Variants in KIF23 observed in about 807,000 individuals in gnomAD.
The protein encoded by KIF23 is kinesin family member 23.
A neutral mutation model predicts 137.5 loss-of-function variants in KIF23; 30 were observed. The observed-to-expected ratio is 0.22, with a 90% CI of 0.16 to 0.30. KIF23 has a LOEUF of 0.30. Ranked by LOEUF, KIF23 falls within the 10% of genes least tolerant of loss-of-function variation. The pLI is 1.00. For synonymous variants in KIF23, 367 were observed against 391.1 expected, an observed-to-expected ratio of 0.94 and a Z score of 0.73; for missense variants, 920 against 1,194.3, an observed-to-expected ratio of 0.77 and a Z score of 3.38.
intron 11 of KIF23, among the ~76,000 whole-genome samples, chr15:69,431,152 T>A (rs985002039): frequency 6.6e-6 from 1 of 152,038 alleles, no homozygotes; most frequent in Admixed American, 6.6e-5. Context: ...TAAGGAGGTG[T>A]TTGATTGAGG....
In KIF23 at chr15:69,446,272, C is replaced by T; in HGVS notation, c.2757-11C>T. 1 of 1,612,454 alleles carries T rather than the reference C, an allele frequency of 6.2e-7. No homozygotes were observed. The highest frequency in any genetic ancestry group is 8.5e-7 in the Non-Finnish European group (1 of 1,178,556). ...AAAAATAATTGTTGCATCATGTTTCCCCTTTTTCAGTAGTCGAAAACGAAG... is the reference window on the plus strand; with the variant it reads ...AAAAATAATTGTTGCATCATGTTTCTCCTTTTTCAGTAGTCGAAAACGAAG... On this transcript the variant is annotated splice_polypyrimidine_tract_variant and intron_variant, in intron 21 of 23. Transcript: ENST00000679126.
chr15:69,414,820 C>G, intron 1 of KIF23: 2 of 284,026 alleles, frequency 7.0e-6, no homozygotes, highest in Admixed American at 1.1e-4. Context: ...TCCCTTCTCC[C>G]TCGCTGGCTG....
At chr15:69,417,604 C>A in intron 3 of KIF23, 93 bp downstream of exon 3, 2 of 1,351,352 alleles carry the variant, frequency 1.5e-6, no homozygotes, top group Non-Finnish European at 2.0e-6. Context: ...CATTTGTGAG[C>A]CCACATTTTC....
At position 69,426,462 on chromosome 15, in the gene KIF23, AG is replaced by A. The variant is rs1211495799; in HGVS notation, c.1011+6del. 6.2e-7 allele frequency: 1 copy of A among 1,613,246 alleles called. No individual in the cohort carries two copies. Among genetic ancestry groups the A allele is most frequent in the Non-Finnish European group, 8.5e-7 (1 of 1,179,768 alleles). On this transcript the variant is annotated splice_donor_region_variant and intron_variant, in intron 10 of 23. Transcript: ENST00000679126. Reference sequence around the variant, plus strand: ...GATGGAGACAATGTCTTACAGGTAAAGTTGTAGTATGTGGAGTTTTTCTGGT... The same window carrying A: ...GATGGAGACAATGTCTTACAGGTAAATTGTAGTATGTGGAGTTTTTCTGGT...
intron 1 of KIF23, among the ~76,000 whole-genome samples, chr15:69,415,268 C>T: frequency 6.6e-6 from 1 of 152,178 alleles, no homozygotes; most frequent in Admixed American, 6.5e-5. Context: ...CTTAAGCCCA[C>T]CACAAAGTAT....
At chr15:69,438,550 C>T in intron 16 of KIF23, 145 bp downstream of exon 16, 1 of 646,244 alleles carries the variant, frequency 1.5e-6, no homozygotes, top group Non-Finnish European at 2.4e-6. Flanking sequence ...GTAATTCCAA[C>T]ACTTTGGGAG....
At chr15:69,414,685 G>A in intron 1 of KIF23, 2 of 454,726 alleles carry the variant, frequency 4.4e-6, no homozygotes, top group Non-Finnish European at 7.3e-6. Context: ...CTGCCGCGTC[G>A]CCCCCCGCCG....
intron 8 of KIF23, 56 bp from the exon 9 acceptor site, chr15:69,426,014 T>C: frequency 1.0e-6 from 1 of 1,000,220 alleles, no homozygotes; most frequent in East Asian, 2.9e-5. Context: ...TAGTCTTAAA[T>C]GAAGATACCA....
Position 69,444,883 on chromosome 15 carries a change from G to A in KIF23, c.2515G>A (p.Ala839Thr), listed in dbSNP as rs1371825747. 4 of 1,614,092 alleles carry A rather than the reference G, an allele frequency of 2.5e-6. No homozygotes were observed. Among genetic ancestry groups the A allele is most frequent in the Non-Finnish European group, 3.4e-6 (4 of 1,180,024 alleles). The stretch of plus-strand genomic sequence containing the variant: ...AGACAGATGGGTAGATCATAAGCCC[G>A]CCTCTAACATGCAAACTGAAACAGT... ...AGDRWVDHKP[A>T]SNMQTETVMQ... Residue 839 changes from alanine (A) to threonine (T), a missense_variant, in exon 20 of 24, where the codon GCC (alanine) becomes ACC (threonine). By Grantham distance (58) the Ala-to-Thr change is moderately conservative. Coordinates refer to ENST00000679126, the MANE Select transcript of KIF23 (RefSeq NM_001367805.3). The surrounding 1 kb of genome is among the most constrained non-coding windows in gnomAD (Gnocchi z 4.2).
chr15:69,422,316 C>T lies in KIF23; in HGVS notation c.454-10C>T, dbSNP rs774315027. ...GTGGTGTGATTTTTTTTTTTTTGCC[C>T]CCACTTCAGGTTTTCAAATCTAATG... On this transcript the variant is annotated splice_polypyrimidine_tract_variant and intron_variant, in intron 5 of 23. Coordinates refer to ENST00000679126, the MANE Select transcript of KIF23 (RefSeq NM_001367805.3). The T allele has an allele frequency of 2.1e-5, 31 of 1,499,490 alleles. No homozygotes were observed. The highest frequency in any genetic ancestry group is 2.5e-5 in the Non-Finnish European group (27 of 1,101,330). 92.9% of individuals were successfully genotyped at this position (1,499,490 alleles called of 1,614,324 possible). A position where few individuals can be genotyped will look rare whatever the true frequency, so the allele number is the denominator to read the frequency against.
At chr15:69,429,264 A>T in intron 11 of KIF23, 51 bp downstream of exon 11, 3 of 1,233,326 alleles carry the variant, frequency 2.4e-6, no homozygotes, top group Non-Finnish European at 3.5e-6. Flanking sequence ...GAAACTTGCA[A>T]TGCCAGTTTA....
chr15:69,442,469 T>C (rs1356439222), intron 19 of KIF23, among the ~76,000 whole-genome samples: 1 of 152,250 alleles, frequency 6.6e-6, no homozygotes, highest in Non-Finnish European at 1.5e-5. Context: ...ACATTTACTT[T>C]AGATTTTCTT....
Position 69,436,567 on chromosome 15 carries a change from C to T in KIF23, c.1442C>T (p.Pro481Leu). ...NQPRGPVGNEPLVTDVVLQSF... is the reference protein window; with the variant it reads ...NQPRGPVGNELLVTDVVLQSF... ...AATTTTCTATAATTCAATACAGAAC[C>T]ATTGGTTACTGACGTGGTTTTGCAG... Residue 481 changes from proline to leucine, a missense_variant, in exon 15 of 24, where the codon CCA becomes CTA. Coordinates refer to ENST00000679126, the MANE Select transcript of KIF23 (RefSeq NM_001367805.3). The T allele has an allele frequency of 6.2e-7, 1 of 1,604,290 alleles. No individual in the cohort carries two copies. Among genetic ancestry groups the T allele is most frequent in the Non-Finnish European group, 8.5e-7 (1 of 1,176,028 alleles).
intron 11 of KIF23, chr15:69,434,352 A>G: frequency 4.3e-6 from 1 of 232,504 alleles, no homozygotes. Flanking sequence ...GAGCCACAGC[A>G]ATCTAATCTT....
chr15:69,440,058 T>A lies in KIF23; in HGVS notation c.1910T>A (p.Met637Lys). Residue 637 changes from methionine (M) to lysine (K), a missense_variant, in exon 17 of 24, where the codon ATG becomes AAG. This residue lies in a region of KIF23 where 714 missense variants were observed against 866.2 expected (regional missense o/e 0.82). Transcript: ENST00000679126. Reference protein sequence around the residue: ...RLQGMVTETTMKWEKECERRV... With the variant: ...RLQGMVTETTKKWEKECERRV... ...CAAGGCATGGTGACAGAAACGACAA[T>A]GAAGTGGGAGAAAGAATGTGTGAGT... The A allele has an allele frequency of 6.2e-7, 1 of 1,613,508 alleles. No homozygotes were observed.
chr15:69,442,738 C>T (rs190763330), intron 19 of KIF23, among the ~76,000 whole-genome samples: 2 of 152,230 alleles, frequency 1.3e-5, no homozygotes, highest in East Asian at 1.9e-4. Flanking sequence ...CCTTGCAAAC[C>T]GTAATGAGAT....
At position 69,436,181 on chromosome 15, in the gene KIF23, C is replaced by T; in HGVS notation, c.1358C>T (p.Ala453Val). The change falls in exon 14 of 24, where the codon GCA (alanine) becomes GTA (valine). Residue 453 changes from alanine to valine, a missense_variant. Transcript: ENST00000679126. ...FAEVTQEVEV[A>V]RPVDKAICGL... The stretch of plus-strand genomic sequence containing the variant: ...GAAGTGACTCAAGAAGTTGAAGTAG[C>T]AAGACCTGTAGACAAGGCAATATGT... 2 of 1,613,844 alleles carry T rather than the reference C, an allele frequency of 1.2e-6. No homozygotes were observed. Among genetic ancestry groups the T allele is most frequent in the Non-Finnish European group, 8.5e-7 (1 of 1,179,916 alleles).
At chr15:69,434,621 A>C in intron 11 of KIF23, 1 of 1,391,852 alleles carries the variant, frequency 7.2e-7, no homozygotes, top group Non-Finnish European at 1.0e-6. Context: ...AACATAGTTG[A>C]TGATGTAGGG....
chr15:69,414,572 C>A, intron 1 of KIF23, 96 bp downstream of exon 1: 1 of 1,305,240 alleles, frequency 7.7e-7, no homozygotes, highest in African/African-American at 1.5e-5. Flanking sequence ...CGGCCGTACG[C>A]GGGCAGCGCG....
Sources: allele counts gnomAD v4.1 joint callset (sites outside exome capture counted in the v4.1 genomes callset), GRCh38; gene constraint gnomAD v4.1.1; regional missense constraint gnomAD v4.1.1; non-coding constraint Gnocchi (gnomAD v3.1); transcripts MANE v1.5; gene names NCBI Gene and HGNC (gene_info 2026-07-23, HGNC 2026-07-21).